The following CUL3 variants were observed in gnomAD, a reference collection of about 807,000 sequenced individuals.
CUL3 encodes the protein cullin 3.
In CUL3, 19 loss-of-function variants were observed where a neutral mutation model predicts 89.1. The observed-to-expected ratio is 0.21, with a 90% CI of 0.15 to 0.31. CUL3 has a LOEUF of 0.31. Ranked by LOEUF, CUL3 falls within the 10% of genes least tolerant of loss-of-function variation. The pLI is 1.00. For missense variants in CUL3, 469 were observed against 942.3 expected (o/e 0.50, Z 6.58); for synonymous variants, 351 against 308.4 (o/e 1.14, Z -1.45).
At chr2:224,508,358 C>T (rs1692683308) in intron 6 of CUL3, among the ~76,000 whole-genome samples, 1 of 152,140 alleles carries the variant, frequency 6.6e-6, no homozygotes, top group African/African-American at 2.4e-5. Context: ...TTCTCACATA[C>T]TTAGCATAAA....
rs552758410 is a variant in CUL3, at chr2:224,486,770, C to T, written c.1843-4692G>A. On this transcript the variant is annotated intron_variant, in intron 13 of 15. Coordinates refer to ENST00000264414, the MANE Select transcript of CUL3 (RefSeq NM_003590.5). ...TCAAATTCAGGAAATACAGAGAACA[C>T]CACAAAGATATTCCTCCAGAAGAGC... is the stretch of plus-strand genomic sequence containing the variant. Among the ~76,000 whole-genome samples, 3 of 152,188 alleles carry T rather than the reference C, an allele frequency of 2.0e-5. No homozygotes were observed. In the South Asian group the frequency reaches 6.2e-4, roughly 32 times the overall value.
chr2:224,579,927 CA>C (rs1443060819), intron 1 of CUL3, among the ~76,000 whole-genome samples: 2 of 152,140 alleles, frequency 1.3e-5, no homozygotes, highest in Non-Finnish European at 2.9e-5. Context: ...CCCATGTGGG[CA>C]AAACCCCAGA....
intron 2 of CUL3, among the ~76,000 whole-genome samples, chr2:224,540,831 C>T (rs1253376239): frequency 6.6e-6 from 1 of 152,128 alleles, no homozygotes; most frequent in Non-Finnish European, 1.5e-5. Context: ...CTCCAACAGG[C>T]CCTGGTGTGT....
At chr2:224,516,357 A>C in intron 3 of CUL3, among the ~76,000 whole-genome samples, 1 of 135,898 alleles carries the variant, frequency 7.4e-6, no homozygotes, top group African/African-American at 2.8e-5. Flanking sequence ...TCGCTCTGTC[A>C]CCAGGCTGGA....
At chr2:224,491,779 C>T (rs894391786) in intron 13 of CUL3, among the ~76,000 whole-genome samples, 1 of 152,186 alleles carries the variant, frequency 6.6e-6, no homozygotes, top group African/African-American at 2.4e-5. Context: ...GGAATGAGGA[C>T]TGGCTTTTAT....
chr2:224,499,453 C>G (rs1016948542), intron 11 of CUL3: 49 of 240,338 alleles, frequency 2.0e-4, no homozygotes, highest in Admixed American at 7.3e-4. Flanking sequence ...GTCCTCCTGG[C>G]AATATCAAAT....
intron 4 of CUL3, 64 bp from the exon 5 acceptor site, chr2:224,513,702 C>CA: frequency 8.7e-7 from 1 of 1,150,588 alleles, no homozygotes. Context: ...ATAAAAATTA[C>CA]AAAAAGGAGT....
intron 3 of CUL3, among the ~76,000 whole-genome samples, chr2:224,519,438 C>T (rs928674278): frequency 1.3e-5 from 2 of 152,084 alleles, no homozygotes; most frequent in Admixed American, 6.5e-5. Flanking sequence ...TGTTTAAAGC[C>T]ATGGGTTACT....
chr2:224,494,362 A>G (rs1202941138), intron 13 of CUL3, among the ~76,000 whole-genome samples: 1 of 152,190 alleles, frequency 6.6e-6, no homozygotes, highest in Non-Finnish European at 1.5e-5. Flanking sequence ...TTTAACCCCA[A>G]AACACCCTTT....
chr2:224,562,910 A>G, intron 1 of CUL3: 1 of 181,600 alleles, frequency 5.5e-6, no homozygotes, highest in Non-Finnish European at 1.1e-5. Flanking sequence ...CTCACAAGCC[A>G]TGTGACCTTG....
chr2:224,476,038 T>C (rs1691306531), intron 15 of CUL3, among the ~76,000 whole-genome samples: 1 of 152,002 alleles, frequency 6.6e-6, no homozygotes, highest in Non-Finnish European at 1.5e-5. Context: ...TAGTTTTTTT[T>C]TTTGAGATGG....
At position 224,504,032 on chromosome 2, in the gene CUL3, G is replaced by A. The variant is rs1692495224; in HGVS notation, c.1207-210C>T. On this transcript the variant is annotated intron_variant, in intron 8 of 15. Coordinates refer to ENST00000264414, the MANE Select transcript of CUL3 (RefSeq NM_003590.5). ...CTCATTTAGTGCATCATGAATGAGG[G>A]GTTGGAGTGGAATTCTATTCCGTAG... 7 of 419,276 alleles carry A rather than the reference G, an allele frequency of 1.7e-5. No homozygotes were observed. The South Asian group carries it at 2.9e-4, about 17-fold the overall frequency. 26.0% of individuals were successfully genotyped at this position (419,276 alleles called of 1,614,324 possible).
chr2:224,529,832 T>C (rs1335058573), intron 3 of CUL3, among the ~76,000 whole-genome samples: 1 of 152,156 alleles, frequency 6.6e-6, no homozygotes, highest in East Asian at 1.9e-4. Flanking sequence ...GGGACAAATT[T>C]TGAACAATCG....
At chr2:224,558,466 C>T (rs2106306739) in intron 1 of CUL3, among the ~76,000 whole-genome samples, 1 of 152,266 alleles carries the variant, frequency 6.6e-6, no homozygotes, top group Non-Finnish European at 1.5e-5. Flanking sequence ...CGATGAGACA[C>T]TATACAAATT....
Position 224,474,337 on chromosome 2 carries a change from C to T in CUL3, c.2215G>A (p.Val739Ile), listed in dbSNP as rs979372228. The change falls in exon 16 of 16, where the codon GTT becomes ATT. Residue 739 changes from valine to isoleucine, a missense_variant. Around this residue, in one of 4 missense-constraint regions of CUL3, gnomAD observed 65 missense variants for 147.8 expected, o/e 0.44. Transcript: ENST00000264414. The stretch of plus-strand genomic sequence containing the variant: ...CCTTCAATACGTTTCTTAATAACAA[C>T]TGGACTTGGTAAGAATCGCGCCTTC... ...QLKARFLPSPVVIKKRIEGLI... is the reference protein window; with the variant it reads ...QLKARFLPSPIVIKKRIEGLI... 14 of 1,613,794 alleles carry T rather than the reference C, an allele frequency of 8.7e-6. No homozygotes were observed. The highest frequency in any genetic ancestry group is 1.2e-5 in the Non-Finnish European group (14 of 1,179,908).
chr2:224,496,185 C>G (rs999374504), intron 12 of CUL3, among the ~76,000 whole-genome samples: 2 of 152,160 alleles, frequency 1.3e-5, no homozygotes, highest in African/African-American at 4.8e-5. Context: ...TGTGCACCAT[C>G]ATGCCCAGCT....
chr2:224,521,433 CTTT>C (rs768599132), intron 3 of CUL3, among the ~76,000 whole-genome samples: 2 of 140,610 alleles, frequency 1.4e-5, no homozygotes. Flanking sequence ...TTTCATACTT[CTTT>C]TTTTTTTTTT....
At chr2:224,548,116 T>C (rs373490670) in intron 2 of CUL3, among the ~76,000 whole-genome samples, 9 of 152,312 alleles carry the variant, frequency 5.9e-5, no homozygotes, top group African/African-American at 2.2e-4. Context: ...AGAAAGTCAC[T>C]TGAAACTTGA....
At chr2:224,486,934 GC>G (rs1313540994) in intron 13 of CUL3, among the ~76,000 whole-genome samples, 1 of 152,158 alleles carries the variant, frequency 6.6e-6, no homozygotes, top group African/African-American at 2.4e-5. Flanking sequence ...AACCCTACAA[GC>G]CAGAAGAGAG....
Sources: gnomAD v4.1 joint callset for allele counts (sites outside exome capture counted in the v4.1 genomes callset) on GRCh38, gnomAD v4.1.1 for gene constraint, gnomAD v4.1.1 regional missense constraint, MANE v1.5 for transcripts, NCBI Gene and HGNC (gene_info 2026-07-23, HGNC 2026-07-21) for gene names.